The following ACSL6 variants were observed in gnomAD, a reference collection of about 807,000 sequenced individuals.
ACSL6 encodes the protein long-chain-fatty-acid--CoA ligase 6.
A neutral mutation model predicts 98.2 loss-of-function variants in ACSL6; 47 were observed. The ratio of observed to expected loss-of-function variants is 0.48; its 90% CI spans 0.38 to 0.61. ACSL6 has a LOEUF of 0.61. Among genes scored for constraint, ACSL6 ranks in the 20% least tolerant of loss-of-function variants. The pLI, the probability that ACSL6 is intolerant of heterozygous loss-of-function variation, is 0.00. For missense variants in ACSL6, 761 were observed against 913.4 expected (o/e 0.83, Z 2.15); for synonymous variants, 362 against 336.9 (o/e 1.07, Z -0.82).
At chr5:131,958,132 T>G (rs923193734) in intron 20 of ACSL6, among the ~76,000 whole-genome samples, 2 of 151,934 alleles carry the variant, frequency 1.3e-5, no homozygotes, top group Admixed American at 1.3e-4. Context: ...ATCTTAAGAG[T>G]TGGTATTTTT....
At chr5:131,971,400 C>G in intron 14 of ACSL6, 150 bp downstream of exon 14, 1 of 553,524 alleles carries the variant, frequency 1.8e-6, no homozygotes, top group Non-Finnish European at 2.9e-6. Context: ...CTTTCACTGG[C>G]TCTGAGTTTT....
In ACSL6 at chr5:132,011,512, T is replaced by A. The variant is rs143538255; in HGVS notation, c.42A>T (p.Leu14=). The A allele has an allele frequency of 3.1e-6, 5 of 1,605,072 alleles. No homozygotes were observed. In the African/African-American group the frequency reaches 6.8e-5, roughly 22 times the overall value. The stretch of plus-strand genomic sequence containing the variant: ...GACAGGACGGGCACTTACCTACGAA[T>A]AGCCAGAGGGAGCCCCCCGACACGA... ...FFLVSGGSLW[L]FVEFVLSLLE... Residue 14 remains leucine, a synonymous_variant, in exon 1 of 21, where the codon CTA becomes CTT. Coordinates refer to ENST00000651883, the MANE Select transcript of ACSL6 (RefSeq NM_001009185.3). The surrounding 1 kb of genome is among the most constrained non-coding windows in gnomAD (Gnocchi z 5.4).
chr5:131,973,488 G>T, intron 11 of ACSL6, 88 bp from the exon 12 acceptor site: 1 of 1,431,942 alleles, frequency 7.0e-7, no homozygotes, highest in Non-Finnish European at 9.4e-7. Context: ...TGCCCTACAT[G>T]GAGGGCACCC....
intron 1 of ACSL6, among the ~76,000 whole-genome samples, chr5:131,994,871 C>T (rs1258382709): frequency 6.6e-6 from 1 of 152,230 alleles, no homozygotes; most frequent in Non-Finnish European, 1.5e-5. Flanking sequence ...AGCACTATGG[C>T]TCTGCACTGT....
At position 131,966,356 on chromosome 5, in the gene ACSL6, C is replaced by T. The variant is rs138931467; in HGVS notation, c.1713+60G>A. On this transcript the variant is annotated intron_variant, in intron 17 of 20. Transcript: ENST00000651883. The stretch of plus-strand genomic sequence containing the variant: ...GGAGAAGACTCCTGCCTCAGTGACC[C>T]GGACCACACACCCTCCCACTGCCAA... 3.1e-5 allele frequency: 48 copies of T among 1,537,314 alleles called. No individual in the cohort carries two copies. The highest frequency in any genetic ancestry group is 2.2e-4 in the Middle Eastern group (1 of 4,614).
At chr5:132,007,674 GT>G (rs1286104327) in intron 1 of ACSL6, among the ~76,000 whole-genome samples, 3 of 152,182 alleles carry the variant, frequency 2.0e-5, no homozygotes, top group Non-Finnish European at 4.4e-5. Context: ...TTGACACATG[GT>G]AGGTGCTCAG....
chr5:132,008,955 C>T (rs546162512), intron 1 of ACSL6, among the ~76,000 whole-genome samples: 1 of 152,350 alleles, frequency 6.6e-6, no homozygotes, highest in East Asian at 1.9e-4. Flanking sequence ...ATCCTCTGCT[C>T]CCATTGTCCT....
At chr5:131,986,022 G>A (rs1420266069) in intron 8 of ACSL6, among the ~76,000 whole-genome samples, 4 of 152,374 alleles carry the variant, frequency 2.6e-5, no homozygotes, top group Non-Finnish European at 2.9e-5. Flanking sequence ...TGGCTTCCCA[G>A]AGGAGGTGAC....
chr5:132,003,117 G>T (rs1755181105), intron 1 of ACSL6, among the ~76,000 whole-genome samples: 1 of 152,162 alleles, frequency 6.6e-6, no homozygotes, highest in African/African-American at 2.4e-5. Context: ...CTTGGTTAAG[G>T]GCACATTTTC....
chr5:132,011,952 G>A (rs761801755), upstream of ACSL6: 3 of 1,541,792 alleles, frequency 1.9e-6, no homozygotes, highest in South Asian at 1.2e-5. The surrounding 1 kb of genome is among the most constrained non-coding windows in gnomAD (Gnocchi z 5.4). Context: ...GGGGAGCACG[G>A]GCGACGAGCG....
intron 10 of ACSL6, chr5:131,975,191 A>C: frequency 7.2e-7 from 1 of 1,394,710 alleles, no homozygotes; most frequent in Non-Finnish European, 9.3e-7. Flanking sequence ...GAAAGAAGAG[A>C]GAGACAGGGC....
intron 20 of ACSL6, among the ~76,000 whole-genome samples, chr5:131,956,517 C>T (rs1159027913): frequency 6.6e-6 from 1 of 152,212 alleles, no homozygotes; most frequent in Non-Finnish European, 1.5e-5. Flanking sequence ...GGCACTGCTG[C>T]TAGGCTGCCA....
In ACSL6 at chr5:131,950,344, T is replaced by C. The variant is rs986183071; in HGVS notation, c.*3890A>G. 3.9e-5 allele frequency: 8 copies of C among 205,390 alleles called. No homozygotes were observed. The highest frequency in any genetic ancestry group is 6.0e-5 in the Admixed American group (1 of 16,782). The allele number at this position is 205,390 out of a possible 1,614,324, so 12.7% of individuals were successfully genotyped here. A position where few individuals can be genotyped will look rare whatever the true frequency, so the allele number is the denominator to read the frequency against. The stretch of plus-strand genomic sequence containing the variant: ...ACTGCCTCTGTGTTACAACCACTAA[T>C]GTGTTCTAACTGAAGAGTTTCTCAT... On this transcript the variant is annotated 3_prime_UTR_variant, in exon 21 of 21. Transcript: ENST00000651883.
intron 17 of ACSL6, among the ~76,000 whole-genome samples, chr5:131,963,270 G>C (rs1417806276): frequency 1.3e-5 from 2 of 152,150 alleles, no homozygotes; most frequent in Non-Finnish European, 2.9e-5. Flanking sequence ...TCCTTGGACA[G>C]GGAGTGCTGA....
chr5:131,994,147 C>A lies in ACSL6; in HGVS notation c.154G>T (p.Ala52Ser). Residue 52 changes from alanine (A) to serine (S), a missense_variant, in exon 2 of 21, where the codon GCC (alanine) becomes TCC (serine). Physicochemically the swap from Ala to Ser is moderately conservative, Grantham distance 99. Transcript: ENST00000651883. The part of the protein sequence containing the change: ...DLGQFFRSLS[A>S]TTLVSMGALA... ...GCACCCATACTCACGAGGGTGGTGGCCGAGAGGCTGCGGAAAAACTGTCCC... is the reference window on the plus strand; with the variant it reads ...GCACCCATACTCACGAGGGTGGTGGACGAGAGGCTGCGGAAAAACTGTCCC... 6.2e-7 allele frequency: 1 copy of A among 1,614,178 alleles called. No individual in the cohort carries two copies. The highest frequency in any genetic ancestry group is 8.5e-7 in the Non-Finnish European group (1 of 1,180,040).
intron 1 of ACSL6, chr5:132,006,194 A>T (rs1031867420): frequency 1.3e-5 from 2 of 152,160 alleles, no homozygotes; most frequent in African/African-American, 4.8e-5. Context: ...GTCAGGTGAG[A>T]CTTCTTGGGA....
intron 16 of ACSL6, among the ~76,000 whole-genome samples, chr5:131,967,316 G>A (rs565059935): frequency 6.6e-6 from 1 of 152,178 alleles, no homozygotes; most frequent in South Asian, 2.1e-4. Context: ...CTATAATCAC[G>A]CCACTGCACT....
chr5:131,969,568 T>C (rs1753191660), intron 15 of ACSL6, among the ~76,000 whole-genome samples: 1 of 152,200 alleles, frequency 6.6e-6, no homozygotes, highest in Non-Finnish European at 1.5e-5. Context: ...AAAATGTTTA[T>C]AATATCAGTA....
At chr5:131,974,612 TA>T in intron 11 of ACSL6, 1 of 893,540 alleles carries the variant, frequency 1.1e-6, no homozygotes, top group Non-Finnish European at 1.7e-6. Context: ...GTGGGGTGGC[TA>T]AAGTCCTCTG....
Sources: gnomAD v4.1 joint callset for allele counts (sites outside exome capture counted in the v4.1 genomes callset) on GRCh38, gnomAD v4.1.1 for gene constraint, Gnocchi (gnomAD v3.1) non-coding constraint, MANE v1.5 for transcripts, NCBI Gene and HGNC (gene_info 2026-07-23, HGNC 2026-07-21) for gene names.